ZNF207: variants seen among roughly 807,000 people sequenced by gnomAD.
The protein encoded by ZNF207 is zinc finger protein 207.
In ZNF207, 24 loss-of-function variants were observed where a neutral mutation model predicts 60.2. That is an observed-to-expected ratio of 0.40 (90% CI 0.29 to 0.56). The LOEUF is 0.56. Ranked by LOEUF, ZNF207 falls within the 20% of genes least tolerant of loss-of-function variation. The probability of loss-of-function intolerance (pLI) is 0.49; values close to 1 mark genes in which losing one functional copy is unlikely to be tolerated. For missense variants in ZNF207, 452 were observed against 636.6 expected (o/e 0.71, Z 3.12); for synonymous variants, 236 against 194.7 (o/e 1.21, Z -1.77).
In ZNF207 at chr17:32,366,376, A is replaced by G. The variant is rs184955687; in HGVS notation, c.829-289A>G. 3.1e-4 allele frequency among the ~76,000 whole-genome samples: 47 copies of G among 152,368 alleles called. No individual in the cohort carries two copies. The East Asian group carries it at 8.5e-3, about 28-fold the overall frequency. Reference sequence around the variant, plus strand: ...TGGATTGAAGTGTCAGTATTTGTACATCGTTATTCTCAGTTTCAGGTATCA... The same window carrying G: ...TGGATTGAAGTGTCAGTATTTGTACGTCGTTATTCTCAGTTTCAGGTATCA... On this transcript the variant is annotated intron_variant, in intron 8 of 11. Coordinates refer to ENST00000394670, the MANE Select transcript of ZNF207 (RefSeq NM_001098507.2).
At position 32,370,578 on chromosome 17, in the gene ZNF207, A is replaced by G. The variant is rs1275807882; in HGVS notation, c.*819A>G. ...GAGAAAAACTTAAGATACATGAGTC[A>G]TTACATAATGGGTATGAAATCTTTA... On this transcript the variant is annotated 3_prime_UTR_variant, in exon 12 of 12. Transcript: ENST00000394670. 1 of 152,244 alleles carries G rather than the reference A, an allele frequency of 6.6e-6. No homozygotes were observed. Among genetic ancestry groups the G allele is most frequent in the Admixed American group, 6.5e-5 (1 of 15,286 alleles). The allele number at this position is 152,244 out of a possible 1,614,324, so 9.4% of individuals were successfully genotyped here. A position where few individuals can be genotyped will look rare whatever the true frequency, so the allele number is the denominator to read the frequency against.
At chr17:32,357,351 A>ATTTTTTTTTTTTTTTT (rs1164011891) in intron 2 of ZNF207, among the ~76,000 whole-genome samples, 3 of 74,000 alleles carry the variant, frequency 4.1e-5, no homozygotes, top group African/African-American at 1.7e-4. Context: ...TATTATTATT[A>ATTTTTTTTTTTTTTTT]TTTTTTTTTT....
At chr17:32,360,562 T>TC (rs762911799) in intron 3 of ZNF207, 36 bp from the exon 4 acceptor site, 1 of 1,558,228 alleles carries the variant, frequency 6.4e-7, no homozygotes, top group South Asian at 1.2e-5. Context: ...CTTTCTTAGT[T>TC]TTTACTCTAT....
Position 32,370,879 on chromosome 17 carries a change from T to C in ZNF207, c.*1120T>C, listed in dbSNP as rs997139622. The C allele has an allele frequency of 4.6e-5, 7 of 152,354 alleles. No individual in the cohort carries two copies. Among genetic ancestry groups the C allele is most frequent in the African/African-American group, 1.7e-4 (7 of 41,582 alleles). The allele number at this position is 152,354 out of a possible 1,614,324, so 9.4% of individuals were successfully genotyped here. A position where few individuals can be genotyped will look rare whatever the true frequency, so the allele number is the denominator to read the frequency against. ...CTAAGTGTAATGCTGAGAATCTAAA[T>C]GTGTCTCTGTTGGGATGGTTAACAG... On this transcript the variant is annotated 3_prime_UTR_variant, in exon 12 of 12. Transcript: ENST00000394670.
In ZNF207 at chr17:32,378,089, AATAG is replaced by A. The variant is rs960915049; in HGVS notation, c.*8333_*8336del. Reference sequence around the variant, plus strand: ...TTACTTAAATGTTAGTATAACTAATAATAGATCCATTGGACACTTTAAACACTCA... The same window carrying A: ...TTACTTAAATGTTAGTATAACTAATAATCCATTGGACACTTTAAACACTCA... On this transcript the variant is annotated 3_prime_UTR_variant, in exon 12 of 12. Transcript: ENST00000394670. The A allele has an allele frequency of 1.2e-3, 185 of 152,606 alleles. No homozygotes were observed. The highest frequency in any genetic ancestry group is 4.3e-3 in the African/African-American group (177 of 41,566). The allele number at this position is 152,606 out of a possible 1,614,324, so 9.5% of individuals were successfully genotyped here.
intron 3 of ZNF207, among the ~76,000 whole-genome samples, chr17:32,359,735 G>A: frequency 6.6e-6 from 1 of 151,822 alleles, no homozygotes; most frequent in Middle Eastern, 3.2e-3. Context: ...ATGACACCCT[G>A]TCTTTACAAA....
rs1187372973 is a variant in ZNF207, at chr17:32,373,410, G to C, written c.*3651G>C. 1.4e-6 allele frequency: 1 copy of C among 691,868 alleles called. No homozygotes were observed. The highest frequency in any genetic ancestry group is 2.0e-5 in the Admixed American group (1 of 48,828). 42.9% of individuals were successfully genotyped at this position (691,868 alleles called of 1,614,324 possible). The stretch of plus-strand genomic sequence containing the variant: ...TCTTCTTCCTATAGCCCTGCCATAG[G>C]ACAGGCTGAGGCTGAGTCTCAGTGT... On this transcript the variant is annotated 3_prime_UTR_variant, in exon 12 of 12. Transcript: ENST00000394670.
Position 32,377,520 on chromosome 17 carries a change from T to G in ZNF207, c.*7761T>G, listed in dbSNP as rs1439636127. ...CAGTACATGTTTTTAAAATTGAGAA[T>G]CTCTGATGTGACAAAATCAATTTTT... is the stretch of plus-strand genomic sequence containing the variant. On this transcript the variant is annotated 3_prime_UTR_variant, in exon 12 of 12. Coordinates refer to ENST00000394670, the MANE Select transcript of ZNF207 (RefSeq NM_001098507.2). The G allele has an allele frequency of 1.3e-5, 2 of 151,998 alleles. No homozygotes were observed. 9.4% of individuals were successfully genotyped at this position (151,998 alleles called of 1,614,324 possible).
chr17:32,354,253 T>TA (rs1409952090), intron 2 of ZNF207, among the ~76,000 whole-genome samples: 2 of 152,222 alleles, frequency 1.3e-5, no homozygotes, highest in East Asian at 1.9e-4. Flanking sequence ...GTGCTGGAAT[T>TA]ACAGTTGTGA....
At chr17:32,362,145 TG>T (rs1904923169) in intron 6 of ZNF207, among the ~76,000 whole-genome samples, 1 of 151,274 alleles carries the variant, frequency 6.6e-6, no homozygotes, top group Non-Finnish European at 1.5e-5. Flanking sequence ...TGTGTGTGTG[TG>T]TGTGTGTGTG....
At chr17:32,360,498 A>G (rs1904807827) in intron 3 of ZNF207, 100 bp from the exon 4 acceptor site, 1 of 1,179,262 alleles carries the variant, frequency 8.5e-7, no homozygotes, top group African/African-American at 1.5e-5. Flanking sequence ...GAAAAATCTC[A>G]TGAAGTAATT....
chr17:32,374,643 G>A lies in ZNF207; in HGVS notation c.*4884G>A, dbSNP rs1335077954. The A allele has an allele frequency of 1.3e-5, 2 of 152,232 alleles. No homozygotes were observed. The highest frequency in any genetic ancestry group is 1.3e-4 in the Admixed American group (2 of 15,276). 9.4% of individuals were successfully genotyped at this position (152,232 alleles called of 1,614,324 possible). A position where few individuals can be genotyped will look rare whatever the true frequency, so the allele number is the denominator to read the frequency against. ...AGAGCAAATGTTAATGTAGAGCCCT[G>A]TAAAGGTGGGAAGGTGGTGTCTATG... On this transcript the variant is annotated 3_prime_UTR_variant, in exon 12 of 12. Transcript: ENST00000394670.
chr17:32,362,812 C>G, intron 6 of ZNF207, 102 bp from the exon 7 acceptor site: 1 of 835,064 alleles, frequency 1.2e-6, no homozygotes, highest in Non-Finnish European at 1.9e-6. Flanking sequence ...AGGTCAGATT[C>G]AAGTCTTCTA....
intron 7 of ZNF207, 119 bp from the exon 8 acceptor site, chr17:32,365,211 C>A (rs1905105026): frequency 5.3e-6 from 6 of 1,128,802 alleles, no homozygotes; most frequent in South Asian, 5.0e-5. Flanking sequence ...TGCCTAAGTT[C>A]CTTGGATTTA....
intron 2 of ZNF207, among the ~76,000 whole-genome samples, chr17:32,352,769 C>T (rs2150786520): frequency 6.6e-6 from 1 of 152,336 alleles, no homozygotes; most frequent in East Asian, 1.9e-4. Flanking sequence ...GGTTATGGCT[C>T]ACTGCAGCCT....
chr17:32,355,805 AT>A (rs1277433213), intron 2 of ZNF207, among the ~76,000 whole-genome samples: 1 of 152,240 alleles, frequency 6.6e-6, no homozygotes, highest in Non-Finnish European at 1.5e-5. Context: ...GGAGTGAGTT[AT>A]TTAACTGAGT....
chr17:32,350,620 T>A (rs1471701472), intron 1 of ZNF207, among the ~76,000 whole-genome samples: 1 of 152,160 alleles, frequency 6.6e-6, no homozygotes, highest in Non-Finnish European at 1.5e-5. Flanking sequence ...CAGTGTCCCC[T>A]AGGGACTATT....
At chr17:32,355,646 T>A (rs577095952) in intron 2 of ZNF207, among the ~76,000 whole-genome samples, 4 of 152,296 alleles carry the variant, frequency 2.6e-5, no homozygotes, top group Admixed American at 6.5e-5. Context: ...ATGTCCTTTG[T>A]AAGGACTGTA....
In ZNF207 at chr17:32,371,737, A is replaced by G. The variant is rs1295251076; in HGVS notation, c.*1978A>G. 3.3e-5 allele frequency: 5 copies of G among 152,230 alleles called. No individual in the cohort carries two copies. Among genetic ancestry groups the G allele is most frequent in the Non-Finnish European group, 7.3e-5 (5 of 68,042 alleles). 9.4% of individuals were successfully genotyped at this position (152,230 alleles called of 1,614,324 possible). ...ACAGAGCGAGACTCTGTCAAAAAAT[A>G]AATTAAAATATCTGATTATCTGGCT... On this transcript the variant is annotated 3_prime_UTR_variant, in exon 12 of 12. Coordinates refer to ENST00000394670, the MANE Select transcript of ZNF207 (RefSeq NM_001098507.2).
Sources: gnomAD v4.1 joint callset for allele counts (sites outside exome capture counted in the v4.1 genomes callset) on GRCh38, gnomAD v4.1.1 for gene constraint, MANE v1.5 for transcripts, NCBI Gene and HGNC (gene_info 2026-07-23, HGNC 2026-07-21) for gene names.